MRTFA: variants seen among roughly 807,000 people sequenced by gnomAD.
MRTFA encodes myocardin related transcription factor A.
MRTFA carries 20 observed loss-of-function variants against 83.5 expected under a neutral mutation model. The observed-to-expected ratio is 0.24, with a 90% CI of 0.17 to 0.35. MRTFA has a LOEUF of 0.35. MRTFA is among the 10% of genes least tolerant of loss of function. The probability of loss-of-function intolerance (pLI) is 1.00; values close to 1 mark genes in which losing one functional copy is unlikely to be tolerated. For synonymous variants in MRTFA, 659 were observed against 541.2 expected, an observed-to-expected ratio of 1.22 and a Z score of -3.02; for missense variants, 1,200 against 1,224.7, an observed-to-expected ratio of 0.98 and a Z score of 0.30.
At chr22:40,558,538 T>C (rs2055566845) in intron 2 of MRTFA, among the ~76,000 whole-genome samples, 1 of 152,126 alleles carries the variant, frequency 6.6e-6, no homozygotes, top group Non-Finnish European at 1.5e-5. Context: ...CATGTGTTAA[T>C]ATTCCCAAGA....
At chr22:40,430,300 C>T (rs2053041412) in intron 6 of MRTFA, among the ~76,000 whole-genome samples, 1 of 151,552 alleles carries the variant, frequency 6.6e-6, no homozygotes, top group African/African-American at 2.4e-5. Flanking sequence ...CCAGCCTGAT[C>T]AATATGGTGA....
chr22:40,535,422 A>G (rs1486413615), intron 3 of MRTFA, among the ~76,000 whole-genome samples: 1 of 132,240 alleles, frequency 7.6e-6, no homozygotes, highest in Non-Finnish European at 1.5e-5. Context: ...GCATGATCTC[A>G]GGTCACTGCA....
chr22:40,441,190 T>G (rs1352265216), intron 4 of MRTFA, among the ~76,000 whole-genome samples: 1 of 152,198 alleles, frequency 6.6e-6, no homozygotes, highest in Non-Finnish European at 1.5e-5. Context: ...GGAGCTCTTG[T>G]GTGGCTTTGT....
intron 1 of MRTFA, among the ~76,000 whole-genome samples, chr22:40,627,334 G>A (rs948361297): frequency 1.3e-5 from 2 of 152,090 alleles, no homozygotes; most frequent in Non-Finnish European, 2.9e-5. Flanking sequence ...GGCTGGTCTT[G>A]AACTCCTGGG....
intron 4 of MRTFA, among the ~76,000 whole-genome samples, chr22:40,457,477 AG>A (rs2053612839): frequency 2.1e-5 from 3 of 145,760 alleles, no homozygotes; most frequent in Non-Finnish European, 4.6e-5. Flanking sequence ...AAAGAAAGAA[AG>A]AAAGAAAGAA....
rs374880506 is a variant in MRTFA at position 40,410,577 on chromosome 22, CTGA to C, written c.*810_*812del. On this transcript the variant is annotated 3_prime_UTR_variant, in exon 15 of 15. Coordinates refer to ENST00000355630, the MANE Select transcript of MRTFA (RefSeq NM_020831.6). ...AGGTAGCACCTCTGCCCTCATGGCA[CTGA>C]TAAGGAGCCAGGAAGCAGGGCAGGT... 3 of 233,284 alleles carry C rather than the reference CTGA, an allele frequency of 1.3e-5. No homozygotes were observed. The highest frequency in any genetic ancestry group is 2.5e-5 in the Non-Finnish European group (3 of 117,868). The allele number at this position is 233,284 out of a possible 1,614,324, so 14.5% of individuals were successfully genotyped here.
chr22:40,581,822 T>A (rs967293065), intron 2 of MRTFA, among the ~76,000 whole-genome samples: 4 of 152,164 alleles, frequency 2.6e-5, no homozygotes, highest in Non-Finnish European at 5.9e-5. Context: ...AGGCATCCCA[T>A]GTATCAGAAT....
At chr22:40,503,852 G>A (rs903715562) in intron 3 of MRTFA, among the ~76,000 whole-genome samples, 2 of 152,104 alleles carry the variant, frequency 1.3e-5, no homozygotes, top group Non-Finnish European at 2.9e-5. Flanking sequence ...AACCCAGGAG[G>A]CAGAGGTTGC....
intron 2 of MRTFA, among the ~76,000 whole-genome samples, chr22:40,580,268 G>A (rs2055927667): frequency 6.6e-6 from 1 of 151,870 alleles, no homozygotes; most frequent in Non-Finnish European, 1.5e-5. Context: ...GCATCATCAT[G>A]GCTCACTACA....
At chr22:40,512,283 T>C (rs893828490) in intron 3 of MRTFA, among the ~76,000 whole-genome samples, 3 of 152,226 alleles carry the variant, frequency 2.0e-5, no homozygotes, top group Non-Finnish European at 4.4e-5. Flanking sequence ...AAATGAGCAA[T>C]ACTAATTCTT....
At chr22:40,635,982 A>G (rs926732496) in intron 1 of MRTFA, among the ~76,000 whole-genome samples, 6 of 152,142 alleles carry the variant, frequency 3.9e-5, no homozygotes, top group African/African-American at 1.4e-4. Context: ...TTGGCCATCA[A>G]GTTTCAGATT....
chr22:40,553,179 A>G (rs948306602), intron 2 of MRTFA, among the ~76,000 whole-genome samples: 2 of 152,232 alleles, frequency 1.3e-5, no homozygotes, highest in African/African-American at 4.8e-5. Flanking sequence ...GAGGAAGCAG[A>G]GCATAAAAGT....
intron 2 of MRTFA, chr22:40,569,897 C>G (rs2055764386): frequency 6.4e-6 from 1 of 155,390 alleles, no homozygotes; most frequent in Non-Finnish European, 1.4e-5. Context: ...TTGGGAAGAT[C>G]TGAACTGGCT....
chr22:40,614,499 T>C (rs1201578397), intron 1 of MRTFA, among the ~76,000 whole-genome samples: 1 of 152,214 alleles, frequency 6.6e-6, no homozygotes, highest in African/African-American at 2.4e-5. Flanking sequence ...TTTTTTCTTT[T>C]TCTTTTGAGA....
intron 3 of MRTFA, among the ~76,000 whole-genome samples, chr22:40,536,779 G>A (rs2055185331): frequency 4.9e-5 from 1 of 20,512 alleles, no homozygotes; most frequent in South Asian, 1.0e-3. Flanking sequence ...TGTGAGGAGC[G>A]CCTCTGCCCG....
chr22:40,430,941 AGAATAATATT>A (rs1157427619), intron 6 of MRTFA, among the ~76,000 whole-genome samples: 1 of 151,910 alleles, frequency 6.6e-6, no homozygotes. Flanking sequence ...GGGTACATCT[AGAATAATATT>A]GGATGGAGCA....
chr22:40,600,839 G>A (rs550042822), intron 1 of MRTFA, among the ~76,000 whole-genome samples: 36 of 152,184 alleles, frequency 2.4e-4, no homozygotes, highest in Admixed American at 1.4e-3. Context: ...TTAGCCGGCC[G>A]TGGTGGCACA....
intron 4 of MRTFA, among the ~76,000 whole-genome samples, chr22:40,459,816 CACACACATAT>C (rs1569277756): frequency 2.1e-5 from 2 of 94,362 alleles, no homozygotes; most frequent in African/African-American, 9.5e-5. Context: ...CACACACACA[CACACACATAT>C]ATACATATAT....
rs201464243 is a variant in MRTFA, at chr22:40,411,374, G to A, written c.*16C>T. The A allele has an allele frequency of 4.2e-5, 64 of 1,539,806 alleles. No individual in the cohort carries two copies. Among genetic ancestry groups the A allele is most frequent in the South Asian group, 7.4e-5 (6 of 80,810 alleles). On this transcript the variant is annotated 3_prime_UTR_variant, in exon 15 of 15. Transcript: ENST00000355630. ...TGGCTCCCAGCCCCTTCCCCACCCC[G>A]TCTTGAGCCAGAGAGCTACAAGCAG...
Sources: gnomAD v4.1 joint callset for allele counts (sites outside exome capture counted in the v4.1 genomes callset) on GRCh38, gnomAD v4.1.1 for gene constraint, MANE v1.5 for transcripts, NCBI Gene and HGNC (gene_info 2026-07-23, HGNC 2026-07-21) for gene names.